The following LEKR1 variants were observed in gnomAD, a reference collection of about 807,000 sequenced individuals.
The protein encoded by LEKR1 is protein LEKR1.
A neutral mutation model predicts 72.4 loss-of-function variants in LEKR1; 59 were observed. The ratio of observed to expected loss-of-function variants is 0.82; its 90% CI spans 0.66 to 1.01. LEKR1 has a LOEUF of 1.01. Ranked by LOEUF, LEKR1 falls within the 50% of genes least tolerant of loss-of-function variation. LEKR1 has a pLI of 0.00. For synonymous variants in LEKR1, 257 were observed against 263.2 expected (o/e 0.98, Z 0.23); for missense variants, 728 against 759.2 (o/e 0.96, Z 0.48).
chr3:157,004,214 AT>A (rs1280498446), intron 9 of LEKR1, among the ~76,000 whole-genome samples: 5 of 152,328 alleles, frequency 3.3e-5, no homozygotes, highest in East Asian at 1.9e-4. Context: ...AACAAAAAAA[AT>A]ATTACCAGAA....
At chr3:156,972,447 A>G (rs1465980750) in intron 6 of LEKR1, among the ~76,000 whole-genome samples, 3 of 152,170 alleles carry the variant, frequency 2.0e-5, no homozygotes, top group African/African-American at 7.2e-5. Flanking sequence ...TACACATGTA[A>G]CTAACCTGCA....
intron 3 of LEKR1, among the ~76,000 whole-genome samples, chr3:156,856,459 G>A (rs1303519773): frequency 6.6e-6 from 1 of 152,096 alleles, no homozygotes; most frequent in East Asian, 1.9e-4. Flanking sequence ...TCTAGAATCA[G>A]CTTTTCCGAT....
chr3:156,890,523 T>C, intron 3 of LEKR1, among the ~76,000 whole-genome samples: 1 of 152,230 alleles, frequency 6.6e-6, no homozygotes, highest in Admixed American at 6.5e-5. Context: ...CTATAATTTT[T>C]AATTATTTCT....
intron 9 of LEKR1, among the ~76,000 whole-genome samples, chr3:157,006,262 C>T (rs1732426513): frequency 6.6e-6 from 1 of 152,108 alleles, no homozygotes; most frequent in South Asian, 2.1e-4. Flanking sequence ...GCCTCGGCCT[C>T]CCAAAGTGCT....
chr3:156,970,362 T>A (rs1301501193), intron 6 of LEKR1, among the ~76,000 whole-genome samples: 1 of 152,218 alleles, frequency 6.6e-6, no homozygotes, highest in Non-Finnish European at 1.5e-5. Context: ...TTTTGTCTTT[T>A]GTTGCCATTG....
intron 3 of LEKR1, among the ~76,000 whole-genome samples, chr3:156,915,606 G>T (rs1723558430): frequency 1.3e-5 from 2 of 151,570 alleles, no homozygotes; most frequent in Admixed American, 1.3e-4. Flanking sequence ...TAACGGGGTT[G>T]TTTGTTTGTT....
intron 3 of LEKR1, among the ~76,000 whole-genome samples, chr3:156,889,831 C>T (rs1175060525): frequency 6.6e-6 from 1 of 152,176 alleles, no homozygotes; most frequent in Non-Finnish European, 1.5e-5. Context: ...AAGTAAAAAT[C>T]TATCTTTTAA....
chr3:156,994,254 G>T (rs746829672), intron 9 of LEKR1, among the ~76,000 whole-genome samples: 2 of 152,028 alleles, frequency 1.3e-5, no homozygotes, highest in Non-Finnish European at 2.9e-5. Context: ...GTGGGGACCA[G>T]GGTAGTGGGT....
intron 3 of LEKR1, among the ~76,000 whole-genome samples, chr3:156,908,368 C>T (rs1173852361): frequency 1.3e-5 from 2 of 151,982 alleles, no homozygotes; most frequent in African/African-American, 2.4e-5. Context: ...CTCATTCACT[C>T]GTTCCTTCTA....
At chr3:156,873,940 T>G (rs1227226835) in intron 3 of LEKR1, among the ~76,000 whole-genome samples, 1 of 152,094 alleles carries the variant, frequency 6.6e-6, no homozygotes, top group African/African-American at 2.4e-5. Context: ...TCTCTTAGTC[T>G]TTGACTTTGA....
At chr3:156,899,352 ATG>A (rs1721581400) in intron 3 of LEKR1, among the ~76,000 whole-genome samples, 1 of 131,074 alleles carries the variant, frequency 7.6e-6, no homozygotes, top group Non-Finnish European at 1.6e-5. Context: ...ACATATATAC[ATG>A]TATATATACA....
At chr3:156,896,820 C>T (rs1231596277) in intron 3 of LEKR1, among the ~76,000 whole-genome samples, 1 of 152,196 alleles carries the variant, frequency 6.6e-6, no homozygotes, top group African/African-American at 2.4e-5. Context: ...CAGTGGAATG[C>T]ATAAAGAAAA....
At chr3:156,914,667 A>C (rs1723428950) in intron 3 of LEKR1, among the ~76,000 whole-genome samples, 1 of 152,124 alleles carries the variant, frequency 6.6e-6, no homozygotes, top group Non-Finnish European at 1.5e-5. Context: ...CATATGTCAT[A>C]TTTAGTTATT....
chr3:156,899,379 CACATATATACATGTATATAT>C (rs1402828301), intron 3 of LEKR1, among the ~76,000 whole-genome samples: 3 of 103,364 alleles, frequency 2.9e-5, no homozygotes, highest in South Asian at 3.1e-4. Context: ...TACATATATA[CACATATATACATGTATATAT>C]ACATATATAC....
intron 4 of LEKR1, chr3:156,925,031 T>C (rs181882123): frequency 1.3e-5 from 2 of 152,292 alleles, no homozygotes; most frequent in Admixed American, 6.5e-5. Flanking sequence ...TTGGGGAGAA[T>C]TTCTACCTTA....
chr3:156,998,319 CA>C (rs1731741479), intron 9 of LEKR1, among the ~76,000 whole-genome samples: 1 of 152,068 alleles, frequency 6.6e-6, no homozygotes, highest in Non-Finnish European at 1.5e-5. Context: ...AACAAATGTA[CA>C]AATATATTTT....
intron 3 of LEKR1, among the ~76,000 whole-genome samples, chr3:156,894,362 C>A (rs868139652): frequency 6.6e-6 from 1 of 152,038 alleles, no homozygotes; most frequent in African/African-American, 2.4e-5. Flanking sequence ...AAGGTGTGTT[C>A]CAAGGGATTC....
At chr3:156,931,660 G>A (rs1725237008) in intron 5 of LEKR1, among the ~76,000 whole-genome samples, 1 of 152,058 alleles carries the variant, frequency 6.6e-6, no homozygotes, top group Non-Finnish European at 1.5e-5. Context: ...TATATTCAGT[G>A]GGATATATAA....
chr3:157,038,133 G>A (rs1468968798), intron 12 of LEKR1, among the ~76,000 whole-genome samples: 1 of 152,138 alleles, frequency 6.6e-6, no homozygotes, highest in Admixed American at 6.5e-5. Flanking sequence ...GTAGAAAATA[G>A]GTTGAAGAGG....
Sources: gnomAD v4.1 joint callset for allele counts (sites outside exome capture counted in the v4.1 genomes callset) on GRCh38, gnomAD v4.1.1 for gene constraint, MANE v1.5 for transcripts, NCBI Gene and HGNC (gene_info 2026-07-23, HGNC 2026-07-21) for gene names.